PAM: variants seen among roughly 807,000 people sequenced by gnomAD.
PAM encodes the protein peptidylglycine alpha-amidating monooxygenase, also known as peptidyl-glycine alpha-amidating monooxygenase.
A neutral mutation model predicts 122.1 loss-of-function variants in PAM; 72 were observed. That is an observed-to-expected ratio of 0.59 (90% CI 0.49 to 0.72). The LOEUF is 0.72. Ranked by LOEUF, PAM falls within the 30% of genes least tolerant of loss-of-function variation. The pLI is 0.00. For synonymous variants in PAM, 389 were observed against 404.4 expected, an observed-to-expected ratio of 0.96 and a Z score of 0.46; for missense variants, 1,106 against 1,183.7, an observed-to-expected ratio of 0.93 and a Z score of 0.96.
intron 1 of PAM, among the ~76,000 whole-genome samples, chr5:102,763,996 G>C (rs1288923745): frequency 6.6e-6 from 1 of 152,144 alleles, no homozygotes; most frequent in Non-Finnish European, 1.5e-5. Flanking sequence ...AATTTAATTT[G>C]ACATGACAGT....
At chr5:102,913,535 T>C (rs1802107188) in intron 4 of PAM, among the ~76,000 whole-genome samples, 1 of 152,018 alleles carries the variant, frequency 6.6e-6, no homozygotes, top group Admixed American at 6.6e-5. Flanking sequence ...GACCACTCAC[T>C]GTGGCTTCTT....
At chr5:102,909,484 C>G (rs76122799) in intron 4 of PAM, among the ~76,000 whole-genome samples, 2,320 of 151,948 alleles carry the variant, frequency 0.015, 46 homozygotes, top group African/African-American at 0.052. Flanking sequence ...TAAACTCAAA[C>G]TATGCTCACA....
At chr5:102,884,392 C>T (rs1289900923) in intron 3 of PAM, among the ~76,000 whole-genome samples, 2 of 151,754 alleles carry the variant, frequency 1.3e-5, no homozygotes, top group Non-Finnish European at 3.0e-5. Flanking sequence ...TATTCCCCTG[C>T]TTTGCACCGG....
chr5:102,767,525 C>A (rs1023297697), intron 1 of PAM, among the ~76,000 whole-genome samples: 3 of 152,264 alleles, frequency 2.0e-5, no homozygotes, highest in East Asian at 3.9e-4. Context: ...AACAGAGTGG[C>A]ACATAGAGCA....
At chr5:102,987,921 A>G (rs778260092) in intron 15 of PAM, among the ~76,000 whole-genome samples, 3 of 152,210 alleles carry the variant, frequency 2.0e-5, no homozygotes, top group African/African-American at 7.2e-5. Context: ...AAATATTTCT[A>G]AAGCAAATTA....
rs991157016 is a variant in PAM at position 102,865,858 on chromosome 5, C to T, written c.-338C>T. 3.3e-5 allele frequency: 9 copies of T among 273,858 alleles called. No homozygotes were observed. Among genetic ancestry groups the T allele is most frequent in the Non-Finnish European group, 4.7e-5 (7 of 148,348 alleles). 17.0% of individuals were successfully genotyped at this position (273,858 alleles called of 1,614,324 possible). ...ATGACTGACGCGGGTTTGGGTGATA[C>T]CCCTCACAGCCCCTGTCATTCCGGA... is the stretch of plus-strand genomic sequence containing the variant. On this transcript the variant is annotated 5_prime_UTR_variant, in exon 2 of 26. Transcript: ENST00000438793.
At chr5:103,031,042 T>C (rs1318864075), downstream of PAM, 1 of 152,184 alleles carries the variant, frequency 6.6e-6, no homozygotes, top group African/African-American at 2.4e-5. Flanking sequence ...GCCTTAATTG[T>C]TGAATGTGTT....
chr5:102,965,732 A>C (rs1763897784), intron 14 of PAM, among the ~76,000 whole-genome samples: 1 of 152,042 alleles, frequency 6.6e-6, no homozygotes, highest in Non-Finnish European at 1.5e-5. Flanking sequence ...GAATATGACA[A>C]AAATATAATT....
intron 5 of PAM, among the ~76,000 whole-genome samples, chr5:102,922,901 G>A (rs1050362369): frequency 6.6e-6 from 1 of 152,020 alleles, no homozygotes; most frequent in Admixed American, 6.6e-5. Context: ...TTTGCTTTTG[G>A]GCATCATCCA....
chr5:102,763,594 C>G (rs1252990625), intron 1 of PAM, among the ~76,000 whole-genome samples: 3 of 152,046 alleles, frequency 2.0e-5, no homozygotes, highest in Non-Finnish European at 2.9e-5. Context: ...ATAATAGGAA[C>G]CTGAGGAAGT....
chr5:103,014,665 T>G (rs973821537), intron 21 of PAM, among the ~76,000 whole-genome samples: 8 of 152,336 alleles, frequency 5.3e-5, no homozygotes, highest in South Asian at 4.1e-4. Flanking sequence ...TTATCTCCTC[T>G]TACATTTCAG....
At chr5:102,907,795 C>T (rs1800054520) in intron 4 of PAM, among the ~76,000 whole-genome samples, 1 of 152,066 alleles carries the variant, frequency 6.6e-6, no homozygotes. Flanking sequence ...TGTTCATGTC[C>T]TTTGCCCATT....
chr5:102,967,442 C>T (rs916838632), intron 14 of PAM, among the ~76,000 whole-genome samples: 1 of 152,116 alleles, frequency 6.6e-6, no homozygotes, highest in African/African-American at 2.4e-5. Context: ...TTTATCTCTG[C>T]TAATGCAGAT....
intron 7 of PAM, among the ~76,000 whole-genome samples, chr5:102,937,092 A>G (rs1753517713): frequency 6.6e-6 from 1 of 152,168 alleles, no homozygotes. Flanking sequence ...AAATTCGAAG[A>G]AGAATTTATT....
At chr5:102,904,984 TATTTA>T (rs2151452465) in intron 4 of PAM, among the ~76,000 whole-genome samples, 1 of 151,780 alleles carries the variant, frequency 6.6e-6, no homozygotes, top group Non-Finnish European at 1.5e-5. Flanking sequence ...TATATATCTG[TATTTA>T]ATTATTGAAT....
chr5:102,782,796 A>T (rs561206778), intron 1 of PAM, among the ~76,000 whole-genome samples: 1 of 148,598 alleles, frequency 6.7e-6, no homozygotes, highest in South Asian at 2.1e-4. Context: ...GGTACAGGCA[A>T]CATGTTGGCT....
At chr5:103,021,669 G>A (rs1783591526) in intron 23 of PAM, among the ~76,000 whole-genome samples, 1 of 152,042 alleles carries the variant, frequency 6.6e-6, no homozygotes, top group African/African-American at 2.4e-5. Context: ...CTCAAATGAA[G>A]TTGTCTCTTC....
At chr5:102,756,451 G>C (rs374403071) in intron 1 of PAM, among the ~76,000 whole-genome samples, 1 of 152,174 alleles carries the variant, frequency 6.6e-6, no homozygotes, top group Non-Finnish European at 1.5e-5. Context: ...GTTTGCTTCA[G>C]ATGTTTTACA....
intron 4 of PAM, among the ~76,000 whole-genome samples, chr5:102,902,029 G>C (rs1460455577): frequency 1.3e-5 from 2 of 151,634 alleles, no homozygotes; most frequent in Non-Finnish European, 3.0e-5. Flanking sequence ...TTTCCTTCTA[G>C]GTTGTTTCCA....
Sources: allele counts gnomAD v4.1 joint callset (sites outside exome capture counted in the v4.1 genomes callset), GRCh38; gene constraint gnomAD v4.1.1; transcripts MANE v1.5; gene names NCBI Gene and HGNC (gene_info 2026-07-23, HGNC 2026-07-21).